Variants in RIOX2 observed in about 807,000 individuals in gnomAD.
RIOX2 encodes the protein ribosomal oxygenase 2, also known as 60S ribosomal protein L27a histidine hydroxylase.
Under a neutral mutation model 51.2 loss-of-function variants are expected in RIOX2, and 43 were observed. The observed-to-expected ratio is 0.84, with a 90% confidence interval of 0.66 to 1.08. The LOEUF (loss-of-function observed/expected upper bound fraction) is 1.08. Among genes scored for constraint, RIOX2 ranks in the 50% least tolerant of loss-of-function variants. RIOX2 has a pLI of 0.00. For missense variants in RIOX2, 566 were observed against 561.7 expected, an observed-to-expected ratio of 1.01 and a Z score of -0.08; for synonymous variants, 226 against 218.5, an observed-to-expected ratio of 1.03 and a Z score of -0.30.
At chr3:97,963,662 T>C (rs1406875366) in intron 2 of RIOX2, among the ~76,000 whole-genome samples, 2 of 152,182 alleles carry the variant, frequency 1.3e-5, no homozygotes, top group African/African-American at 4.8e-5. Flanking sequence ...TCTCTGATGG[T>C]ATGAGAGGTC....
At chr3:97,950,546 C>T (rs1373135334) in intron 6 of RIOX2, among the ~76,000 whole-genome samples, 1 of 152,220 alleles carries the variant, frequency 6.6e-6, no homozygotes, top group East Asian at 1.9e-4. Flanking sequence ...CCAACATTTT[C>T]ACACTGCCTG....
In RIOX2 at chr3:97,950,888, A is replaced by C; in HGVS notation, c.786T>G (p.Asn262Lys). The C allele has an allele frequency of 6.2e-7, 1 of 1,609,028 alleles. No individual in the cohort carries two copies. The highest frequency in any genetic ancestry group is 8.5e-7 in the Non-Finnish European group (1 of 1,175,580). ...THVTISTYQNNSWGDFLLDTI... is the reference protein window; with the variant it reads ...THVTISTYQNKSWGDFLLDTI... ...TATCCAAAAGGAAATCTCCCCATGA[A>C]CTAGGATATGCACCAAGGGGGAAAA... Residue 262 changes from asparagine (N) to lysine (K), a missense_variant and splice_region_variant, in exon 6 of 10, where the codon AAT becomes AAG. Physicochemically the swap from Asn to Lys is moderately conservative, Grantham distance 94. Transcript: ENST00000394198.
At chr3:97,963,698 T>C (rs573969818) in intron 2 of RIOX2, among the ~76,000 whole-genome samples, 1 of 152,314 alleles carries the variant, frequency 6.6e-6, no homozygotes, top group South Asian at 2.1e-4. Context: ...GGTGATTTTA[T>C]GGTTCCCGAC....
intron 7 of RIOX2, 35 bp downstream of exon 7, chr3:97,949,809 C>T (rs919040716): frequency 1.9e-6 from 3 of 1,601,042 alleles, no homozygotes; most frequent in Non-Finnish European, 2.6e-6. Flanking sequence ...CCTGCATTAG[C>T]CTCTGACCAC....
intron 8 of RIOX2, 34 bp from the exon 9 acceptor site, chr3:97,945,921 A>G (rs762029483): frequency 1.4e-6 from 2 of 1,436,966 alleles, no homozygotes; most frequent in East Asian, 2.3e-5. Flanking sequence ...TAGGCCATCA[A>G]CAACACAACA....
chr3:97,967,915 T>C (rs1705956230), intron 1 of RIOX2, among the ~76,000 whole-genome samples: 1 of 152,228 alleles, frequency 6.6e-6, no homozygotes, highest in South Asian at 2.1e-4. Flanking sequence ...TTAGGCAGTA[T>C]AATTATCCCA....
intron 4 of RIOX2, 86 bp from the exon 5 acceptor site, chr3:97,954,581 T>C (rs1008458251): frequency 4.8e-5 from 53 of 1,098,742 alleles, no homozygotes; most frequent in Admixed American, 1.0e-4. Context: ...ATATGGGCTT[T>C]GAGTCTCAGT....
intron 4 of RIOX2, among the ~76,000 whole-genome samples, chr3:97,958,423 G>A (rs1051003442): frequency 2.0e-5 from 3 of 152,076 alleles, no homozygotes; most frequent in African/African-American, 4.8e-5. Context: ...TGTTCCCATC[G>A]ATGTTAACTG....
chr3:97,967,423 T>A lies in RIOX2; in HGVS notation c.171A>T (p.Glu57Asp). Residue 57 changes from glutamate to aspartate, a missense_variant, in exon 2 of 10, where the codon GAA (glutamate) becomes GAT (aspartate). By Grantham distance (45) the Glu-to-Asp change is conservative (BLOSUM62 2). Transcript: ENST00000394198. Reference protein sequence around the residue: ...SPIKTETFFKEFWEQKPLLIQ... With the variant: ...SPIKTETFFKDFWEQKPLLIQ... ...TGAGAAGGGGCTTCTGCTCCCAGAA[T>A]TCCTTGAAAAAAGTCTCTGTCTTGA... 6.2e-7 allele frequency: 1 copy of A among 1,614,064 alleles called. No individual in the cohort carries two copies. Among genetic ancestry groups the A allele is most frequent in the Non-Finnish European group, 8.5e-7 (1 of 1,180,000 alleles).
At position 97,966,087 on chromosome 3, in the gene RIOX2, C is replaced by G. The variant is rs1182234514; in HGVS notation, c.432+1075G>C. Among the ~76,000 whole-genome samples the G allele has an allele frequency of 5.3e-5, 8 of 152,124 alleles. 1 individual carries two copies. The East Asian group carries it at 1.5e-3, about 29-fold the overall frequency. On this transcript the variant is annotated intron_variant, in intron 2 of 9. Coordinates refer to ENST00000394198, the MANE Select transcript of RIOX2 (RefSeq NM_153182.4). ...TTGAAAAATCTAAGAGCACTCATACCTCATACAGAGTATGAATAGGTTCAA... is the reference window on the plus strand; with the variant it reads ...TTGAAAAATCTAAGAGCACTCATACGTCATACAGAGTATGAATAGGTTCAA...
intron 5 of RIOX2, 152 bp downstream of exon 5, chr3:97,954,240 C>T (rs1705371243): frequency 1.6e-6 from 1 of 612,120 alleles, no homozygotes; most frequent in Non-Finnish European, 3.0e-6. Flanking sequence ...ATACATGGGA[C>T]ATCAAAGGAA....
chr3:97,943,324 C>T lies in RIOX2; in HGVS notation c.*1860G>A, dbSNP rs2040274445. On this transcript the variant is annotated 3_prime_UTR_variant, in exon 10 of 10. Coordinates refer to ENST00000394198, the MANE Select transcript of RIOX2 (RefSeq NM_153182.4). ...CATTGAAATATTGTGAGAGAATCAACATCCCTAGAAAGATCCCTAGAAAGA... is the reference window on the plus strand; with the variant it reads ...CATTGAAATATTGTGAGAGAATCAATATCCCTAGAAAGATCCCTAGAAAGA... The T allele has an allele frequency of 1.4e-6, 2 of 1,465,488 alleles. No homozygotes were observed. Among genetic ancestry groups the T allele is most frequent in the African/African-American group, 1.4e-5 (1 of 71,572 alleles). The allele number at this position is 1,465,488 out of a possible 1,614,324, so 90.8% of individuals were successfully genotyped here. A position where few individuals can be genotyped will look rare whatever the true frequency, so the allele number is the denominator to read the frequency against.
In RIOX2 at chr3:97,964,201, C is replaced by T. The variant is rs571505889; in HGVS notation, c.433-2493G>A. ...CCTACCCGTCAGAATCAAAACTCAA[C>T]GCCATGGCTAAAATAGAAGACCACG... On this transcript the variant is annotated intron_variant, in intron 2 of 9. Transcript: ENST00000394198. Among the ~76,000 whole-genome samples, 6 of 152,264 alleles carry T rather than the reference C, an allele frequency of 3.9e-5. No homozygotes were observed. In the East Asian group the frequency reaches 7.7e-4, roughly 20 times the overall value.
At chr3:97,965,735 C>T (rs963117299) in intron 2 of RIOX2, among the ~76,000 whole-genome samples, 2 of 152,162 alleles carry the variant, frequency 1.3e-5, no homozygotes, top group Non-Finnish European at 2.9e-5. Context: ...AAATGACAGC[C>T]ACAGTGGATA....
At chr3:97,950,110 G>A in intron 6 of RIOX2, 95 bp from the exon 7 acceptor site, 2 of 1,201,536 alleles carry the variant, frequency 1.7e-6, no homozygotes, top group Non-Finnish European at 2.4e-6. Flanking sequence ...CAGCCACCGG[G>A]TATAGACATT....
Position 97,944,406 on chromosome 3 carries a change from C to T in RIOX2, c.*778G>A, listed in dbSNP as rs1375390027. The T allele has an allele frequency of 6.6e-6, 1 of 152,052 alleles. No homozygotes were observed. Among genetic ancestry groups the T allele is most frequent in the Non-Finnish European group, 1.5e-5 (1 of 67,834 alleles). The allele number at this position is 152,052 out of a possible 1,614,324, so 9.4% of individuals were successfully genotyped here. A position where few individuals can be genotyped will look rare whatever the true frequency, so the allele number is the denominator to read the frequency against. ...AAATTACATTTTGACAACTTTTTTT[C>T]CTTTTATCCCCAACTTTTGCCAGAA... On this transcript the variant is annotated 3_prime_UTR_variant, in exon 10 of 10. Transcript: ENST00000394198.
In RIOX2 at chr3:97,942,964, G is replaced by T. The variant is rs1272002614; in HGVS notation, c.*2220C>A. 5.2e-6 allele frequency: 2 copies of T among 387,540 alleles called. No homozygotes were observed. Among genetic ancestry groups the T allele is most frequent in the East Asian group, 5.6e-5 (1 of 17,928 alleles). The allele number at this position is 387,540 out of a possible 1,614,324, so 24.0% of individuals were successfully genotyped here. A position where few individuals can be genotyped will look rare whatever the true frequency, so the allele number is the denominator to read the frequency against. ...GCCAGAGTTCTCTCAAGAGCACTTTGTTCTAAAGAATCACATTAAGGCACG... is the reference window on the plus strand; with the variant it reads ...GCCAGAGTTCTCTCAAGAGCACTTTTTTCTAAAGAATCACATTAAGGCACG... On this transcript the variant is annotated 3_prime_UTR_variant, in exon 10 of 10. Transcript: ENST00000394198.
intron 5 of RIOX2, chr3:97,953,925 T>C (rs1210569134): frequency 6.3e-6 from 1 of 158,536 alleles, no homozygotes; most frequent in Non-Finnish European, 1.4e-5. Context: ...GTACAGAGTT[T>C]CTGTTGGAAT....
rs73851094 is a variant in RIOX2, at chr3:97,949,617, C to T, written c.1060+227G>A. Among the ~76,000 whole-genome samples, 1,005 of 152,154 alleles carry T rather than the reference C, an allele frequency of 6.6e-3. 9 individuals are homozygous for T. Among genetic ancestry groups the T allele is most frequent in the African/African-American group, 0.022 (921 of 41,506 alleles). On this transcript the variant is annotated intron_variant, in intron 7 of 9. Transcript: ENST00000394198. ...CCCAAAAGGACAGGGCTCTTATTTC[C>T]CATCAGGGTGGGATACAAGTTCTTT...
Sources: allele counts gnomAD v4.1 joint callset (sites outside exome capture counted in the v4.1 genomes callset), GRCh38; gene constraint gnomAD v4.1.1; transcripts MANE v1.5; gene names NCBI Gene and HGNC (gene_info 2026-07-23, HGNC 2026-07-21).